CDK8: variants seen among roughly 807,000 people sequenced by gnomAD.
CDK8 encodes cyclin-dependent kinase 8.
In CDK8, 29 loss-of-function variants were observed where a neutral mutation model predicts 71.5. The observed-to-expected ratio is 0.41, with a 90% CI of 0.30 to 0.55. CDK8 has a LOEUF of 0.55. Among genes scored for constraint, CDK8 ranks in the 20% least tolerant of loss-of-function variants. The pLI is 0.37. For synonymous variants in CDK8, 161 were observed against 192.1 expected (o/e 0.84, Z 1.34); for missense variants, 288 against 572.6 (o/e 0.50, Z 5.07).
chr13:26,336,288 C>T (rs1438036582), intron 1 of CDK8, among the ~76,000 whole-genome samples: 1 of 152,120 alleles, frequency 6.6e-6, no homozygotes, highest in East Asian at 1.9e-4. Context: ...CATTCTCATT[C>T]TAATGAGTGC....
At chr13:26,376,122 T>C (rs762177658) in intron 4 of CDK8, among the ~76,000 whole-genome samples, 2 of 152,232 alleles carry the variant, frequency 1.3e-5, no homozygotes, top group African/African-American at 2.4e-5. Context: ...AGTTTTGTTA[T>C]ACCACCAAAT....
intron 6 of CDK8, among the ~76,000 whole-genome samples, chr13:26,389,537 A>G: frequency 6.6e-6 from 1 of 152,046 alleles, no homozygotes; most frequent in Non-Finnish European, 1.5e-5. Context: ...CTTGGGTGCA[A>G]AGGATTGAAA....
chr13:26,401,380 T>A lies in CDK8; in HGVS notation c.1110+33T>A. ...TTAAAGTACTGTTAGCAGCTTCTTG[T>A]TTCGTGAATGCCTCCATAACATTTT... On this transcript the variant is annotated intron_variant, in intron 11 of 12. Coordinates refer to ENST00000381527, the MANE Select transcript of CDK8 (RefSeq NM_001260.3). This position sits in a 1 kb window ranked among gnomAD's most constrained non-coding sequence, Gnocchi z 4.5. The A allele has an allele frequency of 1.9e-6, 3 of 1,611,314 alleles. No individual in the cohort carries two copies. The highest frequency in any genetic ancestry group is 1.1e-5 in the South Asian group (1 of 90,982).
rs144284852 is a variant in CDK8, at chr13:26,355,582, C to A, written c.456+1702C>A. ...TGAGCCAAGATCGCGCCACTTCACT[C>A]CAGCCTGGGCGACAGAGCGAAACTC... On this transcript the variant is annotated intron_variant, in intron 4 of 12. Transcript: ENST00000381527. Among the ~76,000 whole-genome samples the A allele has an allele frequency of 7.2e-3, 1,101 of 152,202 alleles. 15 individuals are homozygous for A. The highest frequency in any genetic ancestry group is 0.025 in the African/African-American group (1,057 of 41,464).
chr13:26,254,595 G>GCCCCCCCGC lies in CDK8; in HGVS notation c.-41_-40insCGCCCCCCC. 2.5e-6 allele frequency: 3 copies of GCCCCCCCGC among 1,194,426 alleles called. No individual in the cohort carries two copies. Among genetic ancestry groups the GCCCCCCCGC allele is most frequent in the Non-Finnish European group, 3.5e-6 (3 of 847,008 alleles). The allele number at this position is 1,194,426 out of a possible 1,614,324, so 74.0% of individuals were successfully genotyped here. On this transcript the variant is annotated 5_prime_UTR_variant, in exon 1 of 13. Coordinates refer to ENST00000381527, the MANE Select transcript of CDK8 (RefSeq NM_001260.3). The surrounding 1 kb of genome is among the most constrained non-coding windows in gnomAD (Gnocchi z 6.7). The stretch of plus-strand genomic sequence containing the variant: ...CCGTGCTTCCCCGGTCCCCACCCCT[G>GCCCCCCCGC]CCCCCCGGCCCCCCGACCCAGCTCT...
intron 2 of CDK8, among the ~76,000 whole-genome samples, chr13:26,347,195 C>A (rs994113540): frequency 7.2e-5 from 11 of 151,808 alleles, no homozygotes; most frequent in Non-Finnish European, 1.3e-4. Context: ...AAAATAACAT[C>A]CTTTTATGAG....
chr13:26,320,436 A>G (rs1177262625), intron 1 of CDK8, among the ~76,000 whole-genome samples: 1 of 152,030 alleles, frequency 6.6e-6, no homozygotes, highest in East Asian at 1.9e-4. Flanking sequence ...AAAGAAACAA[A>G]AAAACAATGA....
chr13:26,278,777 A>G (rs879704859), intron 1 of CDK8, among the ~76,000 whole-genome samples: 17 of 152,200 alleles, frequency 1.1e-4, no homozygotes, highest in African/African-American at 3.4e-4. Context: ...GACCCTGTGT[A>G]TCTGTGGGTT....
chr13:26,379,889 A>T (rs1048136399), intron 4 of CDK8, among the ~76,000 whole-genome samples: 1 of 152,218 alleles, frequency 6.6e-6, no homozygotes, highest in Non-Finnish European at 1.5e-5. Flanking sequence ...TTTAATTGAG[A>T]AAATGTTTGT....
At chr13:26,306,622 CTTTTTTT>C (rs554661537) in intron 1 of CDK8, among the ~76,000 whole-genome samples, 4 of 126,700 alleles carry the variant, frequency 3.2e-5, no homozygotes, top group African/African-American at 8.9e-5. Context: ...CCTTATTGCT[CTTTTTTT>C]TTTTTTTTTT....
chr13:26,342,200 A>G (rs1375715433), intron 2 of CDK8, among the ~76,000 whole-genome samples: 1 of 152,378 alleles, frequency 6.6e-6, no homozygotes, highest in Non-Finnish European at 1.5e-5. Flanking sequence ...GGCGGCAGCC[A>G]CCGCACCCAG....
chr13:26,335,991 GAA>G (rs769751414), intron 1 of CDK8, among the ~76,000 whole-genome samples: 9 of 152,196 alleles, frequency 5.9e-5, no homozygotes, highest in Non-Finnish European at 1.2e-4. Context: ...TTCTTGGCAT[GAA>G]AAGACTTGTG....
chr13:26,322,253 T>G (rs1258330514), intron 1 of CDK8, among the ~76,000 whole-genome samples: 1 of 152,172 alleles, frequency 6.6e-6, no homozygotes, highest in African/African-American at 2.4e-5. Context: ...TAGAGTAATT[T>G]TTTTAAAGAA....
chr13:26,277,319 G>A (rs1019532219), intron 1 of CDK8, among the ~76,000 whole-genome samples: 2 of 152,120 alleles, frequency 1.3e-5, no homozygotes, highest in South Asian at 2.1e-4. Context: ...ATTGCAAATG[G>A]CCAGATGACT....
At chr13:26,275,007 C>CT (rs937481916) in intron 1 of CDK8, among the ~76,000 whole-genome samples, 1 of 152,106 alleles carries the variant, frequency 6.6e-6, no homozygotes, top group Non-Finnish European at 1.5e-5. Context: ...AGGGTTCTAA[C>CT]TTTAATTTTT....
chr13:26,346,543 G>A (rs1182820873), intron 2 of CDK8, among the ~76,000 whole-genome samples: 1 of 152,204 alleles, frequency 6.6e-6, no homozygotes, highest in Non-Finnish European at 1.5e-5. Flanking sequence ...CACTGAACTA[G>A]AATTAAGACT....
intron 4 of CDK8, among the ~76,000 whole-genome samples, chr13:26,367,148 CTT>C (rs536668538): frequency 4.4e-4 from 67 of 152,220 alleles, no homozygotes; most frequent in African/African-American, 1.6e-3. Context: ...TTGGTCTTCT[CTT>C]TTTTCCCCCC....
chr13:26,358,679 T>C (rs1216407944), intron 4 of CDK8, among the ~76,000 whole-genome samples: 1 of 152,168 alleles, frequency 6.6e-6, no homozygotes, highest in Non-Finnish European at 1.5e-5. Flanking sequence ...CTCAAAGAGG[T>C]ATTTGTATAT....
intron 1 of CDK8, among the ~76,000 whole-genome samples, chr13:26,263,481 G>A (rs753834015): frequency 1.3e-5 from 2 of 149,896 alleles, no homozygotes; most frequent in Non-Finnish European, 3.0e-5. Context: ...TGCTCTTGTT[G>A]CCCACGCTAG....
Sources: gnomAD v4.1 joint callset for allele counts (sites outside exome capture counted in the v4.1 genomes callset) on GRCh38, gnomAD v4.1.1 for gene constraint, Gnocchi (gnomAD v3.1) non-coding constraint, MANE v1.5 for transcripts, NCBI Gene and HGNC (gene_info 2026-07-23, HGNC 2026-07-21) for gene names.